Variants in PSMC2 observed in about 807,000 individuals in gnomAD.
PSMC2 encodes 26S proteasome regulatory subunit 7.
PSMC2 carries 7 observed loss-of-function variants against 53.3 expected under a neutral mutation model. That is an observed-to-expected ratio of 0.13 (90% confidence interval 0.07 to 0.25). The LOEUF (loss-of-function observed/expected upper bound fraction) is 0.25. Ranked by LOEUF, PSMC2 falls within the 10% of genes least tolerant of loss-of-function variation. PSMC2 has a pLI of 1.00. For synonymous variants in PSMC2, 169 were observed against 183.9 expected (o/e 0.92, Z 0.66); for missense variants, 241 against 544.0 (o/e 0.44, Z 5.54).
chr7:103,359,306 A>C (rs1243089325), intron 4 of PSMC2, among the ~76,000 whole-genome samples: 6 of 151,726 alleles, frequency 4.0e-5, no homozygotes, highest in Non-Finnish European at 8.8e-5. Context: ...CCAGCTTATG[A>C]ATTTTTTTAA....
chr7:103,359,298 A>G (rs1220905112), intron 4 of PSMC2, among the ~76,000 whole-genome samples: 1 of 151,684 alleles, frequency 6.6e-6, no homozygotes, highest in Non-Finnish European at 1.5e-5. Context: ...GTGCCCAGCC[A>G]GCTTATGAAT....
At chr7:103,365,054 G>A (rs1014736387) in intron 8 of PSMC2, among the ~76,000 whole-genome samples, 3 of 148,666 alleles carry the variant, frequency 2.0e-5, no homozygotes, top group Admixed American at 6.8e-5. Context: ...TTTACAATAA[G>A]AATTAGCTAC....
chr7:103,368,624 A>G lies in PSMC2; in HGVS notation c.*570A>G, dbSNP rs1467467910. 6.6e-6 allele frequency: 1 copy of G among 152,162 alleles called. No homozygotes were observed. Among genetic ancestry groups the G allele is most frequent in the Admixed American group, 6.5e-5 (1 of 15,274 alleles). 9.4% of individuals were successfully genotyped at this position (152,162 alleles called of 1,614,324 possible). On this transcript the variant is annotated 3_prime_UTR_variant, in exon 12 of 12. Transcript: ENST00000292644. ...TTTTTTAAAGTAGGAGAAACATTGG[A>G]TGTATATGTTTTGCATTGCCATTTG...
At chr7:103,348,101 C>G (rs976281843) in intron 1 of PSMC2, among the ~76,000 whole-genome samples, 1 of 152,120 alleles carries the variant, frequency 6.6e-6, no homozygotes, top group Non-Finnish European at 1.5e-5. Context: ...ATCCTCTTTC[C>G]TCTCCTCCTC....
chr7:103,363,268 A>C, intron 6 of PSMC2, 76 bp from the exon 7 acceptor site: 1 of 1,145,310 alleles, frequency 8.7e-7, no homozygotes, highest in Non-Finnish European at 1.3e-6. Flanking sequence ...TTAAGGTATT[A>C]GGTCTATTCT....
chr7:103,366,111 C>G lies in PSMC2; in HGVS notation c.792C>G (p.Ala264=). ...TGGTTCGTGAACTCTTTGAAATGGCCAGAACAAAAAAAGCCTGCCTTATCT... is the reference window on the plus strand; with the variant it reads ...TGGTTCGTGAACTCTTTGAAATGGCGAGAACAAAAAAAGCCTGCCTTATCT... ...ARMVRELFEM[A]RTKKACLIFF... is the part of the protein sequence containing the mutation. The change falls in exon 9 of 12, where the codon GCC becomes GCG. Residue 264 remains alanine, a synonymous_variant. Coordinates refer to ENST00000292644, the MANE Select transcript of PSMC2 (RefSeq NM_002803.4). 6.2e-7 allele frequency: 1 copy of G among 1,613,590 alleles called. No individual in the cohort carries two copies. The highest frequency in any genetic ancestry group is 8.5e-7 in the Non-Finnish European group (1 of 1,179,826).
At chr7:103,357,367 T>G (rs1012599160) in intron 4 of PSMC2, among the ~76,000 whole-genome samples, 1 of 151,362 alleles carries the variant, frequency 6.6e-6, no homozygotes, top group Non-Finnish European at 1.5e-5. Context: ...AGTTAAATAA[T>G]AACAACTGTA....
At chr7:103,353,015 A>T (rs1348145553) in intron 1 of PSMC2, 6 of 776,426 alleles carry the variant, frequency 7.7e-6, no homozygotes, top group Non-Finnish European at 2.4e-6. Flanking sequence ...ATGAAAGCAC[A>T]TGAGTATTGA....
At chr7:103,354,385 T>G (rs1433195359) in intron 2 of PSMC2, among the ~76,000 whole-genome samples, 1 of 146,680 alleles carries the variant, frequency 6.8e-6, no homozygotes, top group Non-Finnish European at 1.5e-5. Context: ...TTTTTTTTTT[T>G]GAAACGGAGT....
Position 103,367,520 on chromosome 7 carries a change from C to T in PSMC2, c.952C>T (p.Leu318=), listed in dbSNP as rs1382041025. 1 of 1,614,086 alleles carries T rather than the reference C, an allele frequency of 6.2e-7. No individual in the cohort carries two copies. Among genetic ancestry groups the T allele is most frequent in the Admixed American group, 1.7e-5 (1 of 60,004 alleles). The change falls in exon 10 of 12, where the codon CTG becomes TTG. Residue 318 remains leucine (L), a synonymous_variant. Transcript: ENST00000292644. This position sits in a 1 kb window ranked among gnomAD's most constrained non-coding sequence, Gnocchi z 6.1. ...GFDPRGNIKV[L]MATNRPDTLD... ...TGATCCTAGAGGCAATATTAAAGTG[C>T]TGATGGCCACTAACAGACCTGATAC...
chr7:103,362,774 A>G lies in PSMC2; in HGVS notation c.495+16A>G, dbSNP rs1586166141. The G allele has an allele frequency of 1.8e-6, 2 of 1,140,876 alleles. No individual in the cohort carries two copies. The highest frequency in any genetic ancestry group is 1.3e-6 in the Non-Finnish European group (1 of 771,466). The allele number at this position is 1,140,876 out of a possible 1,614,324, so 70.7% of individuals were successfully genotyped here. A position where few individuals can be genotyped will look rare whatever the true frequency, so the allele number is the denominator to read the frequency against. On this transcript the variant is annotated intron_variant, in intron 6 of 11. Coordinates refer to ENST00000292644, the MANE Select transcript of PSMC2 (RefSeq NM_002803.4). ...CATGATGCAGGTAAGAAACTATGGG[A>G]GGGAAAAGGAAGGCTATGTCTTTTT...
chr7:103,353,426 C>T (rs1351930936), intron 1 of PSMC2, among the ~76,000 whole-genome samples: 1 of 152,170 alleles, frequency 6.6e-6, no homozygotes, highest in Non-Finnish European at 1.5e-5. Context: ...CCAGCTTCAG[C>T]CTCCTGAGTA....
chr7:103,362,209 G>C, intron 5 of PSMC2, 121 bp downstream of exon 5: 1 of 1,511,752 alleles, frequency 6.6e-7, no homozygotes, highest in Non-Finnish European at 8.8e-7. Context: ...GGATGATCTA[G>C]TAATGTACTA....
chr7:103,362,386 T>G, intron 5 of PSMC2: 1 of 1,336,558 alleles, frequency 7.5e-7, no homozygotes, highest in Non-Finnish European at 9.6e-7. Context: ...TGCTTTAGGA[T>G]AGTTGTGATG....
chr7:103,355,695 T>C lies in PSMC2; in HGVS notation c.192T>C (p.Gly64=). Residue 64 remains glycine (G), a splice_region_variant and synonymous_variant, in exon 4 of 12, where the codon GGT becomes GGC. Coordinates refer to ENST00000292644, the MANE Select transcript of PSMC2 (RefSeq NM_002803.4). ...ATTTTGTCATCTTTCTCTATGTAGG[T>C]ATTAAAGAATCTGACACTGGCCTGG... ...QLLKKINELT[G]IKESDTGLAP... The C allele has an allele frequency of 6.2e-7, 1 of 1,610,246 alleles. No individual in the cohort carries two copies. Among genetic ancestry groups the C allele is most frequent in the Non-Finnish European group, 8.5e-7 (1 of 1,176,576 alleles).
chr7:103,361,079 A>G (rs553917229), intron 4 of PSMC2, among the ~76,000 whole-genome samples: 62 of 151,674 alleles, frequency 4.1e-4, no homozygotes, highest in African/African-American at 1.4e-3. Flanking sequence ...GCACCACTGC[A>G]CTCCAGTCTG....
chr7:103,352,215 TAAAA>T (rs769618353), intron 1 of PSMC2, among the ~76,000 whole-genome samples: 6 of 40,608 alleles, frequency 1.5e-4, no homozygotes, highest in Non-Finnish European at 2.6e-4. Flanking sequence ...CATACTTAGT[TAAAA>T]AAAAAAAAAA....
At chr7:103,355,621 G>A in intron 3 of PSMC2, 73 bp from the exon 4 acceptor site, 1 of 1,114,432 alleles carries the variant, frequency 9.0e-7, no homozygotes, top group Non-Finnish European at 1.4e-6. Flanking sequence ...TATCAGTAGT[G>A]CTGAGGTTTA....
At position 103,354,900 on chromosome 7, in the gene PSMC2, A is replaced by C. The variant is rs369823547; in HGVS notation, c.141A>C (p.Gln47His). 7 of 1,613,500 alleles carry C rather than the reference A, an allele frequency of 4.3e-6. No homozygotes were observed. Among genetic ancestry groups the C allele is most frequent in the Non-Finnish European group, 5.9e-6 (7 of 1,179,680 alleles). Residue 47 changes from glutamine (Q) to histidine (H), a missense_variant, in exon 3 of 12, where the codon CAA becomes CAC. Gln to His is a conservative substitution (Grantham distance 24). Coordinates refer to ENST00000292644, the MANE Select transcript of PSMC2 (RefSeq NM_002803.4). ...GCACTTACTCTAGGCAGATCAAGCA[A>C]GTTGAAGATGACATTCAGCAACTTC... is the stretch of plus-strand genomic sequence containing the variant. ...GQSTYSRQIK[Q>H]VEDDIQQLLK...
Sources: gnomAD v4.1 joint callset for allele counts (sites outside exome capture counted in the v4.1 genomes callset) on GRCh38, gnomAD v4.1.1 for gene constraint, Gnocchi (gnomAD v3.1) non-coding constraint, MANE v1.5 for transcripts, NCBI Gene and HGNC (gene_info 2026-07-23, HGNC 2026-07-21) for gene names.